ARHGAP15: variants seen among roughly 807,000 people sequenced by gnomAD.
The protein encoded by ARHGAP15 is Rho GTPase activating protein 15, also known as rho GTPase-activating protein 15.
In ARHGAP15, 51 loss-of-function variants were observed where a neutral mutation model predicts 63.7. The ratio of observed to expected loss-of-function variants is 0.80; its 90% CI spans 0.64 to 1.01. The LOEUF (loss-of-function observed/expected upper bound fraction) is 1.01. ARHGAP15 is among the 50% of genes least tolerant of loss of function. The probability of loss-of-function intolerance (pLI) is 0.00; values close to 1 mark genes in which losing one functional copy is unlikely to be tolerated. For synonymous variants in ARHGAP15, 191 were observed against 193.8 expected (o/e 0.99, Z 0.12); for missense variants, 560 against 564.6 (o/e 0.99, Z 0.08).
intron 1 of ARHGAP15, among the ~76,000 whole-genome samples, chr2:143,149,909 A>G (rs1396390366): frequency 6.6e-6 from 1 of 152,064 alleles, no homozygotes; most frequent in East Asian, 1.9e-4. Context: ...AAACAGAAAG[A>G]CTTGCATGAT....
chr2:143,526,144 A>T (rs1365943373), intron 10 of ARHGAP15, among the ~76,000 whole-genome samples: 1 of 151,510 alleles, frequency 6.6e-6, no homozygotes, highest in Non-Finnish European at 1.5e-5. Flanking sequence ...TTTATTAGTG[A>T]CATTTAACAG....
intron 13 of ARHGAP15, among the ~76,000 whole-genome samples, chr2:143,746,863 T>A (rs532946768): frequency 6.6e-6 from 1 of 152,300 alleles, no homozygotes; most frequent in East Asian, 1.9e-4. Flanking sequence ...TTGAGTAGCA[T>A]GATTGGCATA....
chr2:143,342,968 T>G (rs1278980346), intron 6 of ARHGAP15, among the ~76,000 whole-genome samples: 1 of 152,114 alleles, frequency 6.6e-6, no homozygotes, highest in Non-Finnish European at 1.5e-5. Context: ...ATTAGTATTT[T>G]TTGTTGTATT....
chr2:143,459,799 T>C (rs1052972863), intron 8 of ARHGAP15, among the ~76,000 whole-genome samples: 2 of 152,192 alleles, frequency 1.3e-5, no homozygotes, highest in Non-Finnish European at 2.9e-5. Context: ...AATCATGGTG[T>C]ATCCCTATGA....
chr2:143,606,500 T>A (rs1250083278), intron 11 of ARHGAP15, among the ~76,000 whole-genome samples: 1 of 152,226 alleles, frequency 6.6e-6, no homozygotes, highest in Non-Finnish European at 1.5e-5. Context: ...ATCGCCTTTT[T>A]AACACCCCAG....
At chr2:143,651,883 ATTT>A (rs1219981354) in intron 12 of ARHGAP15, among the ~76,000 whole-genome samples, 4 of 151,854 alleles carry the variant, frequency 2.6e-5, no homozygotes, top group African/African-American at 9.7e-5. Context: ...CTATTAAAAT[ATTT>A]TGCCCAGTTT....
At chr2:143,298,810 A>G (rs867494166) in intron 6 of ARHGAP15, among the ~76,000 whole-genome samples, 23 of 151,362 alleles carry the variant, frequency 1.5e-4, no homozygotes, top group African/African-American at 4.9e-4. Flanking sequence ...TAAATTATCA[A>G]AGTAATTCAA....
intron 2 of ARHGAP15, among the ~76,000 whole-genome samples, chr2:143,176,379 A>G (rs1691010457): frequency 6.6e-6 from 1 of 152,194 alleles, no homozygotes; most frequent in African/African-American, 2.4e-5. Context: ...GGTTATTTGC[A>G]TCATGTTATT....
intron 13 of ARHGAP15, among the ~76,000 whole-genome samples, chr2:143,733,562 A>AT (rs138836236): frequency 0.034 from 5,164 of 152,338 alleles, 147 homozygotes; most frequent in Middle Eastern, 0.071. Context: ...AGCTAGAAAA[A>AT]TAAAAACTGT....
intron 5 of ARHGAP15, among the ~76,000 whole-genome samples, chr2:143,245,581 AAGTG>A (rs1402186729): frequency 6.6e-6 from 1 of 152,150 alleles, no homozygotes; most frequent in Non-Finnish European, 1.5e-5. Context: ...GATTGAGAAA[AAGTG>A]AGGGTGTGGA....
At chr2:143,148,434 A>G (rs1689680155) in intron 1 of ARHGAP15, among the ~76,000 whole-genome samples, 1 of 152,072 alleles carries the variant, frequency 6.6e-6, no homozygotes, top group South Asian at 2.1e-4. Flanking sequence ...TGCTCCCAAC[A>G]GGATGGAGTT....
intron 13 of ARHGAP15, among the ~76,000 whole-genome samples, chr2:143,748,120 C>T (rs1169481500): frequency 6.6e-6 from 1 of 152,206 alleles, no homozygotes; most frequent in Non-Finnish European, 1.5e-5. Flanking sequence ...TACTATCAAA[C>T]ATCTACTAGA....
chr2:143,634,599 C>A (rs1023825366), intron 12 of ARHGAP15, among the ~76,000 whole-genome samples: 3 of 152,152 alleles, frequency 2.0e-5, no homozygotes, highest in Admixed American at 2.0e-4. Context: ...ACCTTGCTGT[C>A]CATTCTAACT....
intron 8 of ARHGAP15, among the ~76,000 whole-genome samples, chr2:143,470,701 A>ATATATATATG (rs1308233562): frequency 6.7e-6 from 1 of 149,316 alleles, no homozygotes; most frequent in African/African-American, 2.5e-5. Flanking sequence ...ATATATGTGT[A>ATATATATATG]TATATATGTG....
chr2:143,572,514 T>A (rs1172559325), intron 11 of ARHGAP15, among the ~76,000 whole-genome samples: 1 of 152,186 alleles, frequency 6.6e-6, no homozygotes, highest in Non-Finnish European at 1.5e-5. Context: ...CTGAGCACAG[T>A]AGGTCATGCT....
chr2:143,607,587 T>G (rs1358282093), intron 11 of ARHGAP15: 5 of 150,304 alleles, frequency 3.3e-5, no homozygotes, highest in African/African-American at 7.3e-5. Flanking sequence ...GAGAGAGAGA[T>G]CTTTCATTTG....
intron 6 of ARHGAP15, among the ~76,000 whole-genome samples, chr2:143,262,268 TAAATC>T (rs2105019544): frequency 6.6e-6 from 1 of 152,302 alleles, no homozygotes; most frequent in South Asian, 2.1e-4. Flanking sequence ...TATCTCATGT[TAAATC>T]TAATCTGTTG....
chr2:143,738,520 C>T (rs1166737703), intron 13 of ARHGAP15, among the ~76,000 whole-genome samples: 1 of 152,114 alleles, frequency 6.6e-6, no homozygotes, highest in Non-Finnish European at 1.5e-5. Flanking sequence ...GAACAACTTC[C>T]GGGCCTCTCT....
In ARHGAP15 at chr2:143,372,247, T is replaced by C. The variant is rs1003702253; in HGVS notation, c.475-63354T>C. On this transcript the variant is annotated intron_variant, in intron 6 of 13. Transcript: ENST00000295095. ...ATCCCAGGTACTCGGAAGGAAGAGG[T>C]GGGAGGATCACCTGAGCCTGAGGAG... Among the ~76,000 whole-genome samples, 8 of 146,302 alleles carry C rather than the reference T, an allele frequency of 5.5e-5. No individual in the cohort carries two copies. The South Asian group carries it at 1.7e-3, about 32-fold the overall frequency.
Sources: allele counts gnomAD v4.1 joint callset (sites outside exome capture counted in the v4.1 genomes callset), GRCh38; gene constraint gnomAD v4.1.1; transcripts MANE v1.5; gene names NCBI Gene and HGNC (gene_info 2026-07-23, HGNC 2026-07-21).